The following SCAPER variants were observed in gnomAD, a reference collection of about 807,000 sequenced individuals.
The protein encoded by SCAPER is S phase cyclin A-associated protein in the endoplasmic reticulum.
Under a neutral mutation model 182.2 loss-of-function variants are expected in SCAPER, and 98 were observed. The ratio of observed to expected loss-of-function variants is 0.54; its 90% CI spans 0.46 to 0.64. The LOEUF (loss-of-function observed/expected upper bound fraction) is 0.64. SCAPER is among the 30% of genes least tolerant of loss of function. The pLI is 0.00. For synonymous variants in SCAPER, 605 were observed against 564.6 expected, an observed-to-expected ratio of 1.07 and a Z score of -1.01; for missense variants, 1,432 against 1,690.0, an observed-to-expected ratio of 0.85 and a Z score of 2.68.
chr15:76,833,813 G>A (rs1402534342), intron 5 of SCAPER, among the ~76,000 whole-genome samples: 4 of 152,146 alleles, frequency 2.6e-5, no homozygotes, highest in Admixed American at 6.5e-5. Flanking sequence ...AGATTTAACT[G>A]TCTTAAACAT....
intron 27 of SCAPER, among the ~76,000 whole-genome samples, chr15:76,383,977 A>G (rs1037516349): frequency 3.3e-5 from 5 of 152,210 alleles, no homozygotes. Flanking sequence ...GGTATATCTG[A>G]ACCTTTACAC....
At chr15:76,749,450 C>G (rs182735440) in intron 15 of SCAPER, among the ~76,000 whole-genome samples, 2 of 152,128 alleles carry the variant, frequency 1.3e-5, no homozygotes, top group East Asian at 3.9e-4. Flanking sequence ...GATGTCAGCT[C>G]TCTTCACAAC....
intron 4 of SCAPER, among the ~76,000 whole-genome samples, chr15:76,844,433 T>C (rs962438122): frequency 6.6e-6 from 1 of 152,042 alleles, no homozygotes; most frequent in Non-Finnish European, 1.5e-5. Flanking sequence ...ACATATATTT[T>C]CTTCATGTTC....
intron 17 of SCAPER, among the ~76,000 whole-genome samples, chr15:76,717,781 G>A (rs942454426): frequency 1.3e-5 from 2 of 152,006 alleles, no homozygotes; most frequent in Admixed American, 1.3e-4. Context: ...TAACATTGGA[G>A]CACTAAAACT....
chr15:76,362,563 C>T (rs944758198), intron 29 of SCAPER, among the ~76,000 whole-genome samples: 2 of 151,850 alleles, frequency 1.3e-5, no homozygotes, highest in Non-Finnish European at 1.5e-5. Flanking sequence ...CAGGCAGGTG[C>T]CACCATGCCC....
chr15:76,534,672 T>G (rs2043979160), intron 23 of SCAPER, among the ~76,000 whole-genome samples: 1 of 152,204 alleles, frequency 6.6e-6, no homozygotes, highest in Non-Finnish European at 1.5e-5. Context: ...ATAATTGCTA[T>G]TGCTCCTTGG....
chr15:76,880,901 T>TA (rs2073491029), intron 2 of SCAPER, among the ~76,000 whole-genome samples: 2 of 151,474 alleles, frequency 1.3e-5, no homozygotes, highest in Admixed American at 1.3e-4. Flanking sequence ...AAACAGAAAA[T>TA]AAAAAATGTT....
chr15:76,445,690 T>C (rs2047950277), intron 25 of SCAPER, among the ~76,000 whole-genome samples: 1 of 152,102 alleles, frequency 6.6e-6, no homozygotes, highest in African/African-American at 2.4e-5. Flanking sequence ...CACAGGAAGC[T>C]GGTGAGTCCT....
intron 2 of SCAPER, among the ~76,000 whole-genome samples, chr15:76,881,897 T>C (rs1243618983): frequency 6.6e-6 from 1 of 152,114 alleles, no homozygotes; most frequent in Non-Finnish European, 1.5e-5. Flanking sequence ...ATTAGCACAA[T>C]TTAAAAAAAT....
chr15:76,437,200 C>G (rs145956443), intron 25 of SCAPER, among the ~76,000 whole-genome samples: 13 of 152,252 alleles, frequency 8.5e-5, no homozygotes, highest in African/African-American at 3.1e-4. Context: ...TTTATTTAGA[C>G]TTTCAACCAA....
At chr15:76,748,638 G>A (rs901865214) in intron 15 of SCAPER, among the ~76,000 whole-genome samples, 1 of 150,642 alleles carries the variant, frequency 6.6e-6, no homozygotes, top group Admixed American at 6.6e-5. Flanking sequence ...CAAGGAACTC[G>A]TATAACTGAA....
intron 23 of SCAPER, among the ~76,000 whole-genome samples, chr15:76,569,662 T>C (rs1244488687): frequency 1.3e-5 from 2 of 152,090 alleles, no homozygotes; most frequent in Admixed American, 1.3e-4. Flanking sequence ...GAGCTCTAAT[T>C]ATACATAAAT....
intron 27 of SCAPER, among the ~76,000 whole-genome samples, chr15:76,382,986 T>C (rs2043052029): frequency 6.6e-6 from 1 of 152,132 alleles, no homozygotes; most frequent in South Asian, 2.1e-4. Flanking sequence ...TACACAATAC[T>C]GAGCAGGAGT....
intron 24 of SCAPER, among the ~76,000 whole-genome samples, chr15:76,481,010 C>A (rs1464553588): frequency 6.6e-6 from 1 of 152,202 alleles, no homozygotes. Context: ...GGATTACAGG[C>A]ATGAGCCACC....
chr15:76,847,472 T>C (rs2070230415), intron 4 of SCAPER, among the ~76,000 whole-genome samples: 1 of 151,488 alleles, frequency 6.6e-6, no homozygotes, highest in Non-Finnish European at 1.5e-5. Flanking sequence ...TAACTAAGAG[T>C]GTAACTAGAT....
intron 26 of SCAPER, among the ~76,000 whole-genome samples, chr15:76,423,432 G>A (rs1362550571): frequency 1.3e-5 from 2 of 152,038 alleles, no homozygotes; most frequent in Admixed American, 1.3e-4. Flanking sequence ...ATTCTCTGAT[G>A]GTAGTTTGTA....
chr15:76,793,469 A>T (rs1441952959), intron 8 of SCAPER: 122 of 524,400 alleles, frequency 2.3e-4, no homozygotes, highest in Non-Finnish European at 5.4e-5. Context: ...GAGAAAGGAA[A>T]GGAGCTGAAG....
intron 28 of SCAPER, chr15:76,380,983 T>A (rs1021402581): frequency 2.0e-5 from 3 of 152,986 alleles, no homozygotes; most frequent in Admixed American, 6.5e-5. Flanking sequence ...GATGATAATG[T>A]CCTGATATAA....
At chr15:76,634,707 G>C (rs889776764) in intron 21 of SCAPER, among the ~76,000 whole-genome samples, 5 of 152,076 alleles carry the variant, frequency 3.3e-5, no homozygotes, top group African/African-American at 1.2e-4. Flanking sequence ...AGATGCCATT[G>C]CCAAATGTAA....
Sources: gnomAD v4.1 joint callset for allele counts (sites outside exome capture counted in the v4.1 genomes callset) on GRCh38, gnomAD v4.1.1 for gene constraint, MANE v1.5 for transcripts, NCBI Gene and HGNC (gene_info 2026-07-23, HGNC 2026-07-21) for gene names.